The following PCDH9 variants were observed in gnomAD, a reference collection of about 807,000 sequenced individuals.
PCDH9 encodes protocadherin 9.
PCDH9 carries 24 observed loss-of-function variants against 70.6 expected under a neutral mutation model. The observed-to-expected ratio is 0.34, with a 90% CI of 0.25 to 0.48. PCDH9 has a LOEUF of 0.48. Among genes scored for constraint, PCDH9 ranks in the 20% least tolerant of loss-of-function variants. The pLI, the probability that PCDH9 is intolerant of heterozygous loss-of-function variation, is 0.99. For synonymous variants in PCDH9, 562 were observed against 558.5 expected (o/e 1.01, Z -0.09); for missense variants, 1,281 against 1,503.6 (o/e 0.85, Z 2.45).
At chr13:67,075,384 T>C (rs1037771991) in intron 2 of PCDH9, among the ~76,000 whole-genome samples, 1 of 152,012 alleles carries the variant, frequency 6.6e-6, no homozygotes, top group African/African-American at 2.4e-5. Context: ...AAAAACAAAG[T>C]GAAAGAAACT....
At chr13:66,419,524 G>T (rs1957524330) in intron 4 of PCDH9, among the ~76,000 whole-genome samples, 2 of 151,816 alleles carry the variant, frequency 1.3e-5, no homozygotes, top group Non-Finnish European at 2.9e-5. Flanking sequence ...GCAGAGTGGG[G>T]CGTTGCCTCA....
intron 2 of PCDH9, among the ~76,000 whole-genome samples, chr13:67,035,172 G>C (rs1052608384): frequency 3.9e-5 from 6 of 152,026 alleles, no homozygotes; most frequent in African/African-American, 1.4e-4. Flanking sequence ...TTGACCAAGG[G>C]TACACCACAG....
At chr13:67,199,009 C>T (rs1347676050) in intron 2 of PCDH9, among the ~76,000 whole-genome samples, 1 of 151,500 alleles carries the variant, frequency 6.6e-6, no homozygotes, top group African/African-American at 2.4e-5. Context: ...AATAACATCA[C>T]AAGTAATTAT....
intron 4 of PCDH9, among the ~76,000 whole-genome samples, chr13:66,601,024 C>T (rs1169813161): frequency 2.8e-5 from 4 of 144,714 alleles, no homozygotes; most frequent in African/African-American, 9.9e-5. Context: ...CAGGGGCACA[C>T]CTGGGATTCA....
chr13:66,949,471 G>A (rs2083142597), intron 2 of PCDH9, among the ~76,000 whole-genome samples: 1 of 152,054 alleles, frequency 6.6e-6, no homozygotes, highest in Admixed American at 6.6e-5. Context: ...TCTTCTCACT[G>A]TAAACAGCAA....
At position 67,202,165 on chromosome 13, in the gene PCDH9, G is replaced by C. The variant is rs991286061; in HGVS notation, c.3036+23240C>G. 2.6e-5 allele frequency: 4 copies of C among 151,998 alleles called. No individual in the cohort carries two copies. In the East Asian group the frequency reaches 7.7e-4, roughly 29 times the overall value. 9.4% of individuals were successfully genotyped at this position (151,998 alleles called of 1,614,324 possible). A position where few individuals can be genotyped will look rare whatever the true frequency, so the allele number is the denominator to read the frequency against. On this transcript the variant is annotated intron_variant, in intron 2 of 4. Transcript: ENST00000377865. ...TACCAACCTATCTTGGTGTGGTGAG[G>C]TGAGGAGAAGGACCATTCAACCATC...
intron 4 of PCDH9, among the ~76,000 whole-genome samples, chr13:66,417,397 T>C (rs1468293294): frequency 2.0e-5 from 3 of 152,210 alleles, no homozygotes; most frequent in African/African-American, 7.2e-5. Context: ...ATGGTGTATA[T>C]GTGCCACGTT....
At chr13:66,380,336 A>G (rs1005747607) in intron 4 of PCDH9, among the ~76,000 whole-genome samples, 4 of 152,214 alleles carry the variant, frequency 2.6e-5, no homozygotes, top group African/African-American at 9.6e-5. Context: ...TACCAATGGC[A>G]TCTAAAGATA....
intron 2 of PCDH9, among the ~76,000 whole-genome samples, chr13:67,049,557 C>T (rs574698455): frequency 6.6e-6 from 1 of 152,268 alleles, no homozygotes; most frequent in Admixed American, 6.5e-5. Context: ...ATATCAAGAA[C>T]TTATTAACAC....
intron 3 of PCDH9, among the ~76,000 whole-genome samples, chr13:66,672,937 G>A (rs1393658694): frequency 2.0e-5 from 3 of 152,140 alleles, no homozygotes; most frequent in African/African-American, 7.2e-5. Context: ...CAAGCTCATA[G>A]GTGGAAAGGA....
At chr13:66,375,343 G>T (rs1956729718) in intron 4 of PCDH9, among the ~76,000 whole-genome samples, 1 of 151,798 alleles carries the variant, frequency 6.6e-6, no homozygotes, top group African/African-American at 2.4e-5. Context: ...GATCTTTTGT[G>T]ATATTATTTT....
At chr13:67,073,806 T>C (rs971788357) in intron 2 of PCDH9, among the ~76,000 whole-genome samples, 1 of 152,234 alleles carries the variant, frequency 6.6e-6, no homozygotes, top group South Asian at 2.1e-4. Flanking sequence ...ACTAGATGTC[T>C]ATTACTTCTA....
chr13:67,226,676 T>G lies in PCDH9; in HGVS notation c.1765A>C (p.Ser589Arg). 1 of 1,613,144 alleles carries G rather than the reference T, an allele frequency of 6.2e-7. No homozygotes were observed. Among genetic ancestry groups the G allele is most frequent in the Non-Finnish European group, 8.5e-7 (1 of 1,179,062 alleles). ...FFVSENLPKY[S>R]TVGVITVTDA... ...GTCACTGTGATTACCCCCACAGTACTATACTTTGGCAGATTCTCAGACACA... is the reference window on the plus strand; with the variant it reads ...GTCACTGTGATTACCCCCACAGTACGATACTTTGGCAGATTCTCAGACACA... The change falls in exon 2 of 5, where the codon AGT (serine) becomes CGT (arginine). Residue 589 changes from serine to arginine, a missense_variant. Ser to Arg is a moderately radical substitution (Grantham distance 110). Transcript: ENST00000377865. The surrounding 1 kb of genome is among the most constrained non-coding windows in gnomAD (Gnocchi z 5.0).
intron 2 of PCDH9, among the ~76,000 whole-genome samples, chr13:66,980,077 TC>T (rs1871457403): frequency 1.4e-5 from 2 of 140,380 alleles, no homozygotes; most frequent in African/African-American, 5.4e-5. Flanking sequence ...AAATTATCCA[TC>T]TCTATCTATC....
intron 4 of PCDH9, among the ~76,000 whole-genome samples, chr13:66,396,470 G>A (rs1957103053): frequency 6.6e-6 from 1 of 152,152 alleles, no homozygotes; most frequent in Non-Finnish European, 1.5e-5. Flanking sequence ...ACCAGCCAAT[G>A]TCATTCGAAC....
chr13:66,359,023 C>G (rs928778874), intron 4 of PCDH9, among the ~76,000 whole-genome samples: 1 of 151,868 alleles, frequency 6.6e-6, no homozygotes, highest in Non-Finnish European at 1.5e-5. Context: ...ACTACATTGG[C>G]TTATTGGGCT....
intron 3 of PCDH9, among the ~76,000 whole-genome samples, chr13:66,686,642 A>G (rs912788463): frequency 1.1e-4 from 16 of 152,182 alleles, no homozygotes; most frequent in Non-Finnish European, 2.9e-5. Context: ...TGTGAATAAA[A>G]GTGTATAATA....
At chr13:67,156,308 G>C (rs1353751610) in intron 2 of PCDH9, among the ~76,000 whole-genome samples, 1 of 152,134 alleles carries the variant, frequency 6.6e-6, no homozygotes, top group Non-Finnish European at 1.5e-5. Flanking sequence ...AGAGGCAGGG[G>C]GATGTCAAAT....
intron 2 of PCDH9, among the ~76,000 whole-genome samples, chr13:67,156,434 A>G (rs2087815052): frequency 6.6e-6 from 1 of 151,940 alleles, no homozygotes. Flanking sequence ...TGGCAGCTGA[A>G]GAGCACACCG....
Sources: allele counts gnomAD v4.1 joint callset (sites outside exome capture counted in the v4.1 genomes callset), GRCh38; gene constraint gnomAD v4.1.1; non-coding constraint Gnocchi (gnomAD v3.1); transcripts MANE v1.5; gene names NCBI Gene and HGNC (gene_info 2026-07-23, HGNC 2026-07-21).